Variants in SEMA3A observed in about 807,000 individuals in gnomAD.
SEMA3A encodes semaphorin-3A.
In SEMA3A, 29 loss-of-function variants were observed where a neutral mutation model predicts 97.9. The ratio of observed to expected loss-of-function variants is 0.30; its 90% confidence interval spans 0.22 to 0.40. The LOEUF is 0.40. Among genes scored for constraint, SEMA3A ranks in the 10% least tolerant of loss-of-function variants. The pLI is 1.00. For synonymous variants in SEMA3A, 321 were observed against 323.7 expected, an observed-to-expected ratio of 0.99 and a Z score of 0.09; for missense variants, 763 against 951.3, an observed-to-expected ratio of 0.80 and a Z score of 2.60.
chr7:83,991,081 A>G (rs867080445), intron 12 of SEMA3A, among the ~76,000 whole-genome samples: 3 of 149,710 alleles, frequency 2.0e-5, no homozygotes, highest in Middle Eastern at 6.9e-3. Flanking sequence ...CTTTGAAGCA[A>G]TTGTGAATGG....
In SEMA3A at chr7:84,492,669, C is replaced by A. The variant is rs1806764190; in HGVS notation, c.-455G>T. On this transcript the variant is annotated 5_prime_UTR_variant, in exon 1 of 4. Coordinates refer to the SEMA3A transcript ENST00000424555. ...CAGCATGAGAGCACAGAATCTATTA[C>A]CCCTGAGGCTCTACCATTTCACCTA... 4 of 152,110 alleles carry A rather than the reference C, an allele frequency of 2.6e-5. No homozygotes were observed. In the South Asian group the frequency reaches 8.3e-4, roughly 32 times the overall value. 9.4% of individuals were successfully genotyped at this position (152,110 alleles called of 1,614,324 possible). A position where few individuals can be genotyped will look rare whatever the true frequency, so the allele number is the denominator to read the frequency against.
In SEMA3A at chr7:83,959,798, A is replaced by G. The variant is rs566142718; in HGVS notation, c.*1573T>C. On this transcript the variant is annotated 3_prime_UTR_variant, in exon 17 of 17. Transcript: ENST00000265362. ...GGAGGAGTCCTGAATAGGTGAGTGC[A>G]GTGCAAAAGAAACCACAGTATAATG... 6.6e-6 allele frequency: 1 copy of G among 152,214 alleles called. No individual in the cohort carries two copies. The highest frequency in any genetic ancestry group is 2.1e-4 in the South Asian group (1 of 4,828). 9.4% of individuals were successfully genotyped at this position (152,214 alleles called of 1,614,324 possible). A position where few individuals can be genotyped will look rare whatever the true frequency, so the allele number is the denominator to read the frequency against.
At chr7:84,146,388 TCTC>T (rs1562811813) in intron 1 of SEMA3A, among the ~76,000 whole-genome samples, 2 of 152,078 alleles carry the variant, frequency 1.3e-5, no homozygotes, top group African/African-American at 4.8e-5. Flanking sequence ...TAAATATAGG[TCTC>T]CTGGCTCCAC....
intron 1 of SEMA3A, among the ~76,000 whole-genome samples, chr7:84,150,814 T>C (rs1227034972): frequency 6.6e-6 from 1 of 151,958 alleles, no homozygotes; most frequent in Non-Finnish European, 1.5e-5. Flanking sequence ...AAGACAGCAG[T>C]AACCTCTGCA....
chr7:84,264,800 G>C (rs1799949421), intron 3 of SEMA3A, among the ~76,000 whole-genome samples: 1 of 152,154 alleles, frequency 6.6e-6, no homozygotes, highest in Admixed American at 6.6e-5. Flanking sequence ...TGAAACTTTA[G>C]GTACCAAGAC....
intron 3 of SEMA3A, among the ~76,000 whole-genome samples, chr7:84,206,821 A>T (rs1261051052): frequency 7.2e-6 from 1 of 138,430 alleles, no homozygotes; most frequent in Non-Finnish European, 1.6e-5. Context: ...CTGCATAAAT[A>T]AGTGACAGGA....
chr7:84,300,208 A>G lies in SEMA3A; in HGVS notation c.-83+6999T>C, dbSNP rs574714412. Reference sequence around the variant, plus strand: ...GGATCAATTAAAGAAGTCAAATATCATATTTTTAGGACTAACAGACTAGAA... The same window carrying G: ...GGATCAATTAAAGAAGTCAAATATCGTATTTTTAGGACTAACAGACTAGAA... On this transcript the variant is annotated intron_variant, in intron 3 of 3. Coordinates refer to the SEMA3A transcript ENST00000424555. Among the ~76,000 whole-genome samples the G allele has an allele frequency of 2.8e-4, 42 of 151,996 alleles. 1 individual carries two copies. In the South Asian group the frequency reaches 8.5e-3, roughly 31 times the overall value.
At chr7:84,255,088 A>C (rs1206795107) in intron 3 of SEMA3A, among the ~76,000 whole-genome samples, 1 of 152,150 alleles carries the variant, frequency 6.6e-6, no homozygotes, top group Non-Finnish European at 1.5e-5. Flanking sequence ...GTCATCATGG[A>C]GTGAAGCACT....
At position 84,312,836 on chromosome 7, in the gene SEMA3A, G is replaced by T. The variant is rs1023464169; in HGVS notation, c.-168-5544C>A. Among the ~76,000 whole-genome samples the T allele has an allele frequency of 2.3e-5, 3 of 132,324 alleles. No individual in the cohort carries two copies. The East Asian group carries it at 6.9e-4, about 31-fold the overall frequency. 86.8% of individuals were successfully genotyped at this position (132,324 alleles called of 152,430 possible). On this transcript the variant is annotated intron_variant, in intron 2 of 3. Transcript: ENST00000424555. ...GTTCAGTACTACCAACGTTTCTGGAGTCCCTATTTCTTTCAGAGGATATTT... is the reference window on the plus strand; with the variant it reads ...GTTCAGTACTACCAACGTTTCTGGATTCCCTATTTCTTTCAGAGGATATTT...
intron 1 of SEMA3A, among the ~76,000 whole-genome samples, chr7:84,439,112 T>G (rs2116336028): frequency 6.6e-6 from 1 of 151,982 alleles, no homozygotes; most frequent in African/African-American, 2.4e-5. Flanking sequence ...GGAATTAGAA[T>G]AATACACATT....
intron 4 of SEMA3A, among the ~76,000 whole-genome samples, chr7:84,069,232 C>T (rs1423405179): frequency 2.0e-5 from 3 of 152,096 alleles, no homozygotes; most frequent in Non-Finnish European, 2.9e-5. Context: ...TGGGTGTTAT[C>T]TCTGGCTGTG....
intron 2 of SEMA3A, among the ~76,000 whole-genome samples, chr7:84,371,375 CA>C (rs1392428477): frequency 7.2e-5 from 11 of 151,748 alleles, no homozygotes; most frequent in Admixed American, 5.9e-4. Flanking sequence ...TTAGAATTGG[CA>C]ATTATCTTTA....
intron 15 of SEMA3A, among the ~76,000 whole-genome samples, chr7:83,966,285 A>G (rs185081162): frequency 1.7e-3 from 260 of 152,312 alleles, no homozygotes; most frequent in Non-Finnish European, 1.9e-3. Flanking sequence ...CTTATAGACT[A>G]TAAGATGGTG....
intron 3 of SEMA3A, among the ~76,000 whole-genome samples, chr7:84,280,999 T>A (rs573545109): frequency 6.6e-6 from 1 of 152,284 alleles, no homozygotes; most frequent in South Asian, 2.1e-4. Flanking sequence ...TGCCCTTTTC[T>A]TTAATGCCAT....
intron 1 of SEMA3A, among the ~76,000 whole-genome samples, chr7:84,185,516 A>T (rs984815827): frequency 1.3e-5 from 2 of 150,356 alleles, no homozygotes; most frequent in Non-Finnish European, 3.0e-5. Context: ...TACTAAAAAA[A>T]TTTAAAAAAT....
At position 84,358,295 on chromosome 7, in the gene SEMA3A, T is replaced by C. The variant is rs757599534; in HGVS notation, c.-169+13529A>G. Among the ~76,000 whole-genome samples the C allele has an allele frequency of 2.0e-4, 30 of 152,314 alleles. 1 individual carries two copies. The highest frequency in any genetic ancestry group is 3.4e-3 in the Middle Eastern group (1 of 294). ...GTCTAACATTTAAGTCTTTAATCCATCTTGAATTAATTTTTGTATAAGGTG... is the reference window on the plus strand; with the variant it reads ...GTCTAACATTTAAGTCTTTAATCCACCTTGAATTAATTTTTGTATAAGGTG... On this transcript the variant is annotated intron_variant, in intron 2 of 3. Coordinates refer to the SEMA3A transcript ENST00000424555.
chr7:84,119,988 C>A (rs990511334), intron 3 of SEMA3A, among the ~76,000 whole-genome samples: 1 of 151,854 alleles, frequency 6.6e-6, no homozygotes, highest in African/African-American at 2.4e-5. Context: ...ATTTCAGCCA[C>A]TTAAGGATGC....
At position 84,054,497 on chromosome 7, in the gene SEMA3A, G is replaced by C. The variant is rs905015888; in HGVS notation, c.547+5968C>G. ...ACCCTTTCTTCCAGTTGATCGCATC[G>C]GCTCCTGAGACTTCTGCATTCTTCA... On this transcript the variant is annotated intron_variant, in intron 5 of 16. Coordinates refer to ENST00000265362, the MANE Select transcript of SEMA3A (RefSeq NM_006080.3). Among the ~76,000 whole-genome samples, 9 of 151,896 alleles carry C rather than the reference G, an allele frequency of 5.9e-5. No homozygotes were observed. In the East Asian group the frequency reaches 1.7e-3, roughly 29 times the overall value.
chr7:84,340,226 T>A (rs1802130423), intron 2 of SEMA3A, among the ~76,000 whole-genome samples: 2 of 152,120 alleles, frequency 1.3e-5, no homozygotes, highest in South Asian at 2.1e-4. Context: ...GAAGGTGACA[T>A]TTTCCTGGGT....
Sources: gnomAD v4.1 joint callset for allele counts (sites outside exome capture counted in the v4.1 genomes callset) on GRCh38, gnomAD v4.1.1 for gene constraint, MANE v1.5 for transcripts, NCBI Gene and HGNC (gene_info 2026-07-23, HGNC 2026-07-21) for gene names.